Variants in WDR25 observed in about 807,000 individuals in gnomAD.
WDR25 encodes the protein WD repeat domain 25, also known as WD repeat-containing protein 25.
Under a neutral mutation model 47.7 loss-of-function variants are expected in WDR25, and 35 were observed. The ratio of observed to expected loss-of-function variants is 0.73; its 90% CI spans 0.56 to 0.97. The LOEUF is 0.97. Ranked by LOEUF, WDR25 falls within the 50% of genes least tolerant of loss-of-function variation. WDR25 has a pLI of 0.00. For missense variants in WDR25, 634 were observed against 704.7 expected, an observed-to-expected ratio of 0.90 and a Z score of 1.14; for synonymous variants, 248 against 278.9, an observed-to-expected ratio of 0.89 and a Z score of 1.10.
intron 4 of WDR25, among the ~76,000 whole-genome samples, chr14:100,522,573 G>A (rs1306953399): frequency 6.6e-6 from 1 of 152,174 alleles, no homozygotes; most frequent in East Asian, 1.9e-4. Flanking sequence ...CCATCCTAGG[G>A]ACTCTAGCTC....
intron 2 of WDR25, among the ~76,000 whole-genome samples, chr14:100,458,293 TAAC>T (rs1899269853): frequency 6.6e-6 from 1 of 152,160 alleles, no homozygotes; most frequent in Non-Finnish European, 1.5e-5. Flanking sequence ...AAGAGACTCA[TAAC>T]AACAAGGGGG....
In WDR25 at chr14:100,488,998, A is replaced by C. The variant is rs904753318; in HGVS notation, c.1101+4874A>C. ...TCAGCCGCCACTGTCATTGTGATAG[A>C]GGCCTGCAGGAGCACCCACCTGCCC... On this transcript the variant is annotated intron_variant, in intron 4 of 6. Transcript: ENST00000402312. This position sits in a 1 kb window ranked among gnomAD's most constrained non-coding sequence, Gnocchi z 4.2. Among the ~76,000 whole-genome samples, 1 of 152,204 alleles carries C rather than the reference A, an allele frequency of 6.6e-6. No individual in the cohort carries two copies. The highest frequency in any genetic ancestry group is 1.5e-5 in the Non-Finnish European group (1 of 68,038).
In WDR25 at chr14:100,425,297, C is replaced by T. The variant is rs1378903113; in HGVS notation, c.823-42724C>T. 1.3e-5 allele frequency among the ~76,000 whole-genome samples: 2 copies of T among 152,204 alleles called. No individual in the cohort carries two copies. The highest frequency in any genetic ancestry group is 2.1e-4 in the South Asian group (1 of 4,832). ...GTCACCCCATGGGCCTAAGCTGTAA[C>T]GGGGCAGGGCTGTCACTTGCACTGA... On this transcript the variant is annotated intron_variant, in intron 2 of 6. Coordinates refer to ENST00000402312, the MANE Select transcript of WDR25 (RefSeq NM_001161476.3). The surrounding 1 kb of genome is among the most constrained non-coding windows in gnomAD (Gnocchi z 4.8).
intron 2 of WDR25, among the ~76,000 whole-genome samples, chr14:100,422,612 G>A (rs79060250): frequency 0.015 from 2,258 of 152,302 alleles, 65 homozygotes; most frequent in African/African-American, 0.049. Context: ...GGGCCTTCAT[G>A]ATGGCCCTCT....
At chr14:100,438,074 G>T (rs1441031538) in intron 2 of WDR25, among the ~76,000 whole-genome samples, 2 of 152,172 alleles carry the variant, frequency 1.3e-5, no homozygotes, top group African/African-American at 2.4e-5. Flanking sequence ...TTGCACAGGA[G>T]AATATTATTA....
In WDR25 at chr14:100,449,835, G is replaced by A. The variant is rs540390323; in HGVS notation, c.823-18186G>A. ...CCAGGTTCTGGCTCTCCCTGCCTCT[G>A]CTATGGTGTGATCAGAAGGGGGCTG... is the stretch of plus-strand genomic sequence containing the variant. On this transcript the variant is annotated intron_variant, in intron 2 of 6. Coordinates refer to ENST00000402312, the MANE Select transcript of WDR25 (RefSeq NM_001161476.3). This position sits in a 1 kb window ranked among gnomAD's most constrained non-coding sequence, Gnocchi z 4.2. Among the ~76,000 whole-genome samples the A allele has an allele frequency of 1.2e-3, 181 of 152,298 alleles. No homozygotes were observed. The highest frequency in any genetic ancestry group is 4.3e-3 in the African/African-American group (177 of 41,578).
At chr14:100,462,261 T>C (rs1449212652) in intron 2 of WDR25, among the ~76,000 whole-genome samples, 1 of 152,218 alleles carries the variant, frequency 6.6e-6, no homozygotes, top group Non-Finnish European at 1.5e-5. Flanking sequence ...TCTGTTACTT[T>C]TGTCGGACAC....
intron 2 of WDR25, among the ~76,000 whole-genome samples, chr14:100,464,939 C>A (rs1899572305): frequency 6.7e-6 from 1 of 148,988 alleles, no homozygotes; most frequent in African/African-American, 2.5e-5. Context: ...CATCTCAAGT[C>A]CCCTACTCCA....
chr14:100,475,062 G>C (rs1899972551), intron 3 of WDR25, among the ~76,000 whole-genome samples: 1 of 152,138 alleles, frequency 6.6e-6, no homozygotes, highest in South Asian at 2.1e-4. Flanking sequence ...GTAATCATGG[G>C]GAAATGCAAA....
chr14:100,495,182 CTG>C (rs1900692754), intron 4 of WDR25, among the ~76,000 whole-genome samples: 1 of 152,126 alleles, frequency 6.6e-6, no homozygotes, highest in Non-Finnish European at 1.5e-5. Flanking sequence ...TGGTGAAACT[CTG>C]TCTCTCTACT....
chr14:100,507,109 A>AT (rs548752129), intron 4 of WDR25, among the ~76,000 whole-genome samples: 124 of 152,258 alleles, frequency 8.1e-4, no homozygotes, highest in South Asian at 2.5e-3. Context: ...GGCCAGTTTC[A>AT]TTTTTTTGTA....
At chr14:100,476,914 C>T (rs112567964) in intron 3 of WDR25, among the ~76,000 whole-genome samples, 4,787 of 152,224 alleles carry the variant, frequency 0.031, 118 homozygotes, top group Non-Finnish European at 0.044. Flanking sequence ...GTGGCCTGGA[C>T]GAAATACCTA....
chr14:100,442,810 T>G (rs1029446591), intron 2 of WDR25, among the ~76,000 whole-genome samples: 1 of 152,204 alleles, frequency 6.6e-6, no homozygotes, highest in African/African-American at 2.4e-5. Context: ...ATCCTTTGGG[T>G]TCTGCAGCTA....
At chr14:100,471,361 G>A (rs1466137325) in intron 3 of WDR25, among the ~76,000 whole-genome samples, 1 of 152,154 alleles carries the variant, frequency 6.6e-6, no homozygotes, top group Admixed American at 6.5e-5. Context: ...AGGGCTGGTC[G>A]GGGGGCCTCC....
chr14:100,452,366 GAAATAAACAAC>G (rs894236314), intron 2 of WDR25, among the ~76,000 whole-genome samples: 2 of 152,202 alleles, frequency 1.3e-5, no homozygotes, highest in African/African-American at 2.4e-5. Context: ...TTTAGTGGGA[GAAATAAACAAC>G]AAATAAGCAA....
intron 2 of WDR25, among the ~76,000 whole-genome samples, chr14:100,389,269 T>C (rs1003911648): frequency 1.3e-5 from 2 of 152,264 alleles, no homozygotes; most frequent in Admixed American, 1.3e-4. Flanking sequence ...CTAGTCTTTT[T>C]TCCCTACATA....
At chr14:100,389,107 C>A (rs1173755118) in intron 2 of WDR25, among the ~76,000 whole-genome samples, 2 of 152,086 alleles carry the variant, frequency 1.3e-5, no homozygotes, top group African/African-American at 4.8e-5. Flanking sequence ...TGGCCTGTGT[C>A]CAAATGAGTT....
intron 4 of WDR25, among the ~76,000 whole-genome samples, chr14:100,512,439 C>G (rs182155358): frequency 4.7e-4 from 71 of 152,192 alleles, no homozygotes; most frequent in African/African-American, 1.7e-3. Flanking sequence ...GTGATACCAC[C>G]TCATTTCTCT....
intron 2 of WDR25, among the ~76,000 whole-genome samples, chr14:100,400,538 A>C (rs1208825677): frequency 6.6e-6 from 1 of 152,224 alleles, no homozygotes. Flanking sequence ...AACTTTGTTT[A>C]ATAAAAACCT....
Sources: allele counts gnomAD v4.1 joint callset (sites outside exome capture counted in the v4.1 genomes callset), GRCh38; gene constraint gnomAD v4.1.1; non-coding constraint Gnocchi (gnomAD v3.1); transcripts MANE v1.5; gene names NCBI Gene and HGNC (gene_info 2026-07-23, HGNC 2026-07-21).